The following GPR39 variants were observed in gnomAD, a reference collection of about 807,000 sequenced individuals.
GPR39 encodes G protein-coupled receptor 39.
Under a neutral mutation model 18.4 loss-of-function variants are expected in GPR39, and 23 were observed. The observed-to-expected ratio is 1.25, with a 90% confidence interval of 0.90 to 1.77. GPR39 has a LOEUF of 1.77. GPR39 is among the 40% of genes most tolerant of loss of function. GPR39 has a pLI of 0.00. For synonymous variants in GPR39, 280 were observed against 257.9 expected, an observed-to-expected ratio of 1.09 and a Z score of -0.82; for missense variants, 647 against 602.4, an observed-to-expected ratio of 1.07 and a Z score of -0.78.
At chr2:132,520,777 C>T (rs1213290010) in intron 1 of GPR39, among the ~76,000 whole-genome samples, 1 of 152,196 alleles carries the variant, frequency 6.6e-6, no homozygotes, top group Non-Finnish European at 1.5e-5. Flanking sequence ...GTCATTGAAG[C>T]ATTTTTAGCA....
chr2:132,625,945 C>G (rs1221943278), intron 1 of GPR39, among the ~76,000 whole-genome samples: 1 of 151,850 alleles, frequency 6.6e-6, no homozygotes, highest in Non-Finnish European at 1.5e-5. Flanking sequence ...AGTAAAAATA[C>G]AAAAATTATC....
intron 1 of GPR39, among the ~76,000 whole-genome samples, chr2:132,572,535 A>AT (rs1307251516): frequency 1.3e-5 from 2 of 149,454 alleles, no homozygotes; most frequent in East Asian, 4.1e-4. Context: ...GTTAGAAGAG[A>AT]TTAAAAAAAA....
rs11889331 is a variant in GPR39 at position 132,459,538 on chromosome 2, A to G, written c.856+41640A>G. Among the ~76,000 whole-genome samples the G allele has an allele frequency of 2.5e-3, 386 of 152,168 alleles. 2 individuals carry two copies. The highest frequency in any genetic ancestry group is 7.8e-3 in the African/African-American group (324 of 41,526). On this transcript the variant is annotated intron_variant, in intron 1 of 1. Transcript: ENST00000329321. ...TGCTTTGATTGCACCACCTTTTTGT[A>G]TGTGTATATTCCTTTTTGTCTAAAT... is the stretch of plus-strand genomic sequence containing the variant.
chr2:132,432,361 C>T (rs1249849505), intron 1 of GPR39, among the ~76,000 whole-genome samples: 10 of 152,168 alleles, frequency 6.6e-5, no homozygotes, highest in Non-Finnish European at 1.5e-4. Flanking sequence ...TATCATGATG[C>T]AATCACTTCC....
chr2:132,545,944 G>A (rs1232037687), intron 1 of GPR39, among the ~76,000 whole-genome samples: 1 of 152,164 alleles, frequency 6.6e-6, no homozygotes, highest in African/African-American at 2.4e-5. Flanking sequence ...AGTTGTCCTG[G>A]TCAGAGGCTA....
At chr2:132,588,962 C>T (rs1006723918) in intron 1 of GPR39, among the ~76,000 whole-genome samples, 1 of 151,780 alleles carries the variant, frequency 6.6e-6, no homozygotes, top group Non-Finnish European at 1.5e-5. Flanking sequence ...GCAAACTGGG[C>T]CTGCTCTTGC....
chr2:132,547,419 A>G (rs887898502), intron 1 of GPR39, among the ~76,000 whole-genome samples: 5 of 152,168 alleles, frequency 3.3e-5, no homozygotes, highest in African/African-American at 1.2e-4. Context: ...CAAAGCTGGG[A>G]CTGTCACACC....
rs147340412 is a variant in GPR39, at chr2:132,439,509, A to T, written c.856+21611A>T. The stretch of plus-strand genomic sequence containing the variant: ...TTAGATGCCTTTGGATAGGTCTGAG[A>T]TTGTTCTTATCTTTTCCATATAGCA... On this transcript the variant is annotated intron_variant, in intron 1 of 1. Coordinates refer to ENST00000329321, the MANE Select transcript of GPR39 (RefSeq NM_001508.3). 3.2e-3 allele frequency among the ~76,000 whole-genome samples: 490 copies of T among 152,336 alleles called. 2 individuals are homozygous for T. Among genetic ancestry groups the T allele is most frequent in the African/African-American group, 0.011 (463 of 41,588 alleles).
chr2:132,421,071 G>A (rs906569576), intron 1 of GPR39, among the ~76,000 whole-genome samples: 2 of 152,188 alleles, frequency 1.3e-5, no homozygotes, highest in East Asian at 1.9e-4. Flanking sequence ...TTGCTGGTCT[G>A]GATTTCTGCC....
intron 1 of GPR39, among the ~76,000 whole-genome samples, chr2:132,436,152 G>A (rs530190018): frequency 4.8e-5 from 6 of 125,452 alleles, no homozygotes; most frequent in South Asian, 5.0e-4. Context: ...TACTGGAAGA[G>A]CAAGAGCAGC....
rs143517451 is a variant in GPR39, at chr2:132,479,921, G to A, written c.856+62023G>A. Among the ~76,000 whole-genome samples the A allele has an allele frequency of 2.0e-3, 303 of 149,584 alleles. 1 individual carries two copies. The highest frequency in any genetic ancestry group is 7.4e-3 in the Middle Eastern group (2 of 272). Reference sequence around the variant, plus strand: ...GTAGACCCACATTCATAGCAGCACCGTTTGCCATAGCCAAGAGAACCCTTG... The same window carrying A: ...GTAGACCCACATTCATAGCAGCACCATTTGCCATAGCCAAGAGAACCCTTG... On this transcript the variant is annotated intron_variant, in intron 1 of 1. Coordinates refer to ENST00000329321, the MANE Select transcript of GPR39 (RefSeq NM_001508.3).
chr2:132,448,713 T>G (rs1680581331), intron 1 of GPR39, among the ~76,000 whole-genome samples: 1 of 152,238 alleles, frequency 6.6e-6, no homozygotes, highest in Admixed American at 6.5e-5. Flanking sequence ...CATGATACTT[T>G]ATTTCATATT....
In GPR39 at chr2:132,633,849, T is replaced by C. The variant is rs112804873; in HGVS notation, c.857-11252T>C. 2.9e-3 allele frequency among the ~76,000 whole-genome samples: 447 copies of C among 151,940 alleles called. 1 individual carries two copies. The highest frequency in any genetic ancestry group is 4.4e-3 in the Non-Finnish European group (299 of 67,942). The stretch of plus-strand genomic sequence containing the variant: ...GTAGAGGTGGAGGTGATGATGTTGG[T>C]GGGGGTGGTAGCGGCATTGGTGTTG... On this transcript the variant is annotated intron_variant, in intron 1 of 1. Coordinates refer to ENST00000329321, the MANE Select transcript of GPR39 (RefSeq NM_001508.3).
intron 1 of GPR39, among the ~76,000 whole-genome samples, chr2:132,423,294 A>G (rs536060714): frequency 6.6e-6 from 1 of 152,164 alleles, no homozygotes; most frequent in East Asian, 1.9e-4. Context: ...TTCTCTGCAC[A>G]TGTGTTCTCC....
intron 1 of GPR39, among the ~76,000 whole-genome samples, chr2:132,446,186 C>T (rs1680535516): frequency 6.6e-6 from 1 of 152,210 alleles, no homozygotes; most frequent in Non-Finnish European, 1.5e-5. Context: ...TTTATTGAGA[C>T]TCTATACTGA....
intron 1 of GPR39, among the ~76,000 whole-genome samples, chr2:132,600,761 C>T (rs1304982395): frequency 1.3e-5 from 2 of 151,900 alleles, no homozygotes; most frequent in African/African-American, 4.8e-5. Context: ...CACATTATTT[C>T]TGAATTCTAC....
intron 1 of GPR39, among the ~76,000 whole-genome samples, chr2:132,533,706 T>C (rs184531059): frequency 1.3e-5 from 2 of 152,280 alleles, no homozygotes; most frequent in African/African-American, 4.8e-5. Flanking sequence ...TCTACAACTA[T>C]CTGATCTTTG....
intron 1 of GPR39, among the ~76,000 whole-genome samples, chr2:132,469,475 A>G (rs1680989993): frequency 6.6e-6 from 1 of 152,238 alleles, no homozygotes; most frequent in South Asian, 2.1e-4. Flanking sequence ...TTGCCTCTGC[A>G]GGCCATGTGT....
At chr2:132,580,417 G>T (rs1680602264) in intron 1 of GPR39, among the ~76,000 whole-genome samples, 1 of 152,240 alleles carries the variant, frequency 6.6e-6, no homozygotes, top group South Asian at 2.1e-4. Flanking sequence ...GCCGGTGGCT[G>T]AGAGTAGTCA....
Sources: allele counts gnomAD v4.1 joint callset (sites outside exome capture counted in the v4.1 genomes callset), GRCh38; gene constraint gnomAD v4.1.1; transcripts MANE v1.5; gene names NCBI Gene and HGNC (gene_info 2026-07-23, HGNC 2026-07-21).